Variants in TANC2 observed in about 807,000 individuals in gnomAD.
TANC2 encodes the protein tetratricopeptide repeat, ankyrin repeat and coiled-coil containing 2, also known as protein TANC2.
TANC2 carries 26 observed loss-of-function variants against 210.5 expected under a neutral mutation model. The observed-to-expected ratio is 0.12, with a 90% CI of 0.09 to 0.17. TANC2 has a LOEUF of 0.17. TANC2 is among the 10% of genes least tolerant of loss of function. The pLI is 1.00. For synonymous variants in TANC2, 931 were observed against 967.1 expected (o/e 0.96, Z 0.69); for missense variants, 2,129 against 2,608.9 (o/e 0.82, Z 4.01).
rs552420639 is a variant in TANC2 at position 63,099,241 on chromosome 17, G to C, written c.206G>C (p.Ser69Thr). ...TACGCTGTCCCGCCACTTCCAGTGAGTGAAGGTATGCAGCACATTCGGATT... is the reference window on the plus strand; with the variant it reads ...TACGCTGTCCCGCCACTTCCAGTGACTGAAGGTATGCAGCACATTCGGATT... The change falls in exon 4 of 28, where the codon AGT becomes ACT. Residue 69 changes from serine to threonine, a missense_variant. By Grantham distance (58) the Ser-to-Thr change is moderately conservative. Coordinates refer to ENST00000689528, the Ensembl canonical transcript of TANC2. 5.6e-6 allele frequency: 9 copies of C among 1,610,106 alleles called. No homozygotes were observed. Among genetic ancestry groups the C allele is most frequent in the African/African-American group, 1.3e-5 (1 of 74,890 alleles).
exon 12 of TANC2, chr17:63,340,208 C>G (rs2046180993): frequency 1.2e-6 from 2 of 1,613,836 alleles, no homozygotes; most frequent in Non-Finnish European, 1.7e-6. Flanking sequence ...AGCTGACAGC[C>G]TATCGGGAGC....
intron 3 of TANC2, among the ~76,000 whole-genome samples, chr17:63,081,481 T>TA (rs1336427910): frequency 6.6e-6 from 1 of 152,232 alleles, no homozygotes; most frequent in African/African-American, 2.4e-5. Context: ...TATGCATATA[T>TA]AAACCAGTTT....
intron 14 of TANC2, among the ~76,000 whole-genome samples, chr17:63,358,170 A>G (rs2046832545): frequency 6.6e-6 from 1 of 152,244 alleles, no homozygotes; most frequent in South Asian, 2.1e-4. Flanking sequence ...GAAGCAGGAA[A>G]TAGCAGAGCC....
intron 9 of TANC2, among the ~76,000 whole-genome samples, chr17:63,278,120 C>T (rs1362439049): frequency 6.6e-6 from 1 of 152,148 alleles, no homozygotes; most frequent in African/African-American, 2.4e-5. Context: ...TGTGTCACCA[C>T]ACTCCAGCAT....
At chr17:63,351,449 ATT>A (rs745471677) in intron 13 of TANC2, 33 bp downstream of exon 13, 2 of 1,531,528 alleles carry the variant, frequency 1.3e-6, no homozygotes. Flanking sequence ...ACCATAAATG[ATT>A]CCTCTTGGAA....
At chr17:63,367,073 G>T (rs1242163952) in intron 14 of TANC2, among the ~76,000 whole-genome samples, 2 of 152,240 alleles carry the variant, frequency 1.3e-5, no homozygotes, top group African/African-American at 2.4e-5. Context: ...AGCGACAGCA[G>T]AAATATCTGC....
At chr17:63,236,733 C>G (rs2042631777) in intron 7 of TANC2, among the ~76,000 whole-genome samples, 1 of 152,030 alleles carries the variant, frequency 6.6e-6, no homozygotes, top group Non-Finnish European at 1.5e-5. Context: ...TAGCACCCAC[C>G]TGTGAGTGAG....
intron 2 of TANC2, among the ~76,000 whole-genome samples, chr17:63,055,058 T>C (rs1233721144): frequency 6.6e-6 from 1 of 152,240 alleles, no homozygotes; most frequent in African/African-American, 2.4e-5. Context: ...CGTCATGTTT[T>C]GATCCTGGAT....
Position 63,420,158 on chromosome 17 carries a change from G to A in TANC2, c.4428G>A (p.Pro1476=), listed in dbSNP as rs374790933. ...CACCGCAGCCTCAGCAGCAGTTGCCGGAAGAAGCAGAACCTGAGCCACAGC... is the reference window on the plus strand; with the variant it reads ...CACCGCAGCCTCAGCAGCAGTTGCCAGAAGAAGCAGAACCTGAGCCACAGC... Residue 1476 remains proline (P), a synonymous_variant, in exon 28 of 28, where the codon CCG becomes CCA. Transcript: ENST00000689528. The surrounding 1 kb of genome is among the most constrained non-coding windows in gnomAD (Gnocchi z 4.2). 1,155 of 1,563,446 alleles carry A rather than the reference G, an allele frequency of 7.4e-4. 1 individual carries two copies. The highest frequency in any genetic ancestry group is 9.1e-4 in the Non-Finnish European group (1,049 of 1,153,420).
chr17:63,336,821 A>G (rs1027258593), intron 11 of TANC2, among the ~76,000 whole-genome samples: 3 of 152,260 alleles, frequency 2.0e-5, no homozygotes, highest in Admixed American at 1.3e-4. Context: ...AGAATTCGCC[A>G]AGGAGAAAGG....
At chr17:63,170,207 C>G (rs2040356091) in intron 5 of TANC2, among the ~76,000 whole-genome samples, 1 of 150,854 alleles carries the variant, frequency 6.6e-6, no homozygotes, top group African/African-American at 2.4e-5. Context: ...GCGGGCAGAT[C>G]ACGAGTCAGG....
In TANC2 at chr17:63,000,413, G is replaced by A. The variant is rs181296738; in HGVS notation, c.-23-9124G>A. 5.3e-5 allele frequency among the ~76,000 whole-genome samples: 8 copies of A among 152,238 alleles called. No homozygotes were observed. The East Asian group carries it at 1.4e-3, about 26-fold the overall frequency. On this transcript the variant is annotated intron_variant, in intron 1 of 27. Transcript: ENST00000689528. Reference sequence around the variant, plus strand: ...AAAAGGGCTTTAAATATACAGGAGGGATGAACATTGAAAATGAAAATTGAT... The same window carrying A: ...AAAAGGGCTTTAAATATACAGGAGGAATGAACATTGAAAATGAAAATTGAT...
chr17:63,385,555 T>C (rs1026220804), intron 15 of TANC2, among the ~76,000 whole-genome samples: 1 of 152,266 alleles, frequency 6.6e-6, no homozygotes, highest in Non-Finnish European at 1.5e-5. Context: ...TTTGTTTGCA[T>C]GTAAACTGCA....
intron 7 of TANC2, among the ~76,000 whole-genome samples, chr17:63,208,836 AT>A (rs1249859548): frequency 2.6e-5 from 4 of 152,066 alleles, no homozygotes; most frequent in Non-Finnish European, 5.9e-5. Context: ...ATATGTAGAG[AT>A]TTGTGTATTG....
At chr17:63,251,951 T>C (rs1047194628) in intron 8 of TANC2, among the ~76,000 whole-genome samples, 19 of 152,212 alleles carry the variant, frequency 1.2e-4, no homozygotes, top group African/African-American at 4.3e-4. Flanking sequence ...GGTATTTCAA[T>C]AGTAAAGATT....
At chr17:63,065,669 A>G (rs1045888019) in intron 2 of TANC2, among the ~76,000 whole-genome samples, 1 of 152,170 alleles carries the variant, frequency 6.6e-6, no homozygotes, top group African/African-American at 2.4e-5. Flanking sequence ...ATGTTTATAT[A>G]TACACCTGTG....
At chr17:63,300,867 G>A (rs1003536918) in intron 9 of TANC2, among the ~76,000 whole-genome samples, 2 of 152,144 alleles carry the variant, frequency 1.3e-5, no homozygotes, top group African/African-American at 4.8e-5. Context: ...GTTTTCAAAG[G>A]GAATGCTTCC....
chr17:63,100,260 G>C (rs1420299136), intron 4 of TANC2, among the ~76,000 whole-genome samples: 3 of 152,078 alleles, frequency 2.0e-5, no homozygotes, highest in Non-Finnish European at 2.9e-5. Flanking sequence ...GGGCACTTCT[G>C]TCTATGTAGA....
intron 9 of TANC2, among the ~76,000 whole-genome samples, chr17:63,301,231 A>G (rs542658421): frequency 1.3e-4 from 20 of 152,182 alleles, no homozygotes; most frequent in Non-Finnish European, 2.2e-4. Flanking sequence ...GTATTGGCCT[A>G]AAGTTTTCTT....
Sources: gnomAD v4.1 joint callset for allele counts (sites outside exome capture counted in the v4.1 genomes callset) on GRCh38, gnomAD v4.1.1 for gene constraint, Gnocchi (gnomAD v3.1) non-coding constraint, MANE v1.5 for transcripts, NCBI Gene and HGNC (gene_info 2026-07-23, HGNC 2026-07-21) for gene names.